Variants in MLLT3 observed in about 807,000 individuals in gnomAD.
The protein encoded by MLLT3 is protein AF-9.
A neutral mutation model predicts 53.2 loss-of-function variants in MLLT3; 4 were observed. The ratio of observed to expected loss-of-function variants is 0.08; its 90% CI spans 0.04 to 0.17. The LOEUF (loss-of-function observed/expected upper bound fraction) is 0.17. MLLT3 is among the 10% of genes least tolerant of loss of function. MLLT3 has a pLI of 1.00. For synonymous variants in MLLT3, 283 were observed against 230.6 expected, an observed-to-expected ratio of 1.23 and a Z score of -2.06; for missense variants, 569 against 684.0, an observed-to-expected ratio of 0.83 and a Z score of 1.87.
At chr9:20,354,767 G>A in intron 9 of MLLT3, 41 bp downstream of exon 9, 4 of 1,281,042 alleles carry the variant, frequency 3.1e-6, no homozygotes, top group Non-Finnish European at 4.5e-6. Context: ...CGGAAGGCTT[G>A]TCAGTGTTGG....
At chr9:20,453,873 A>G (rs898779806) in intron 3 of MLLT3, among the ~76,000 whole-genome samples, 3 of 152,220 alleles carry the variant, frequency 2.0e-5, no homozygotes, top group African/African-American at 7.2e-5. Context: ...CATAGGGCCA[A>G]TTAGGTGTAT....
intron 6 of MLLT3, 106 bp from the exon 7 acceptor site, chr9:20,363,711 A>T: frequency 9.8e-7 from 1 of 1,023,350 alleles, no homozygotes; most frequent in Non-Finnish European, 1.3e-6. Flanking sequence ...GGTTAAAAAT[A>T]ATCATCATAT....
At position 20,620,820 on chromosome 9, in the gene MLLT3, C is replaced by T. The variant is rs775464590; in HGVS notation, c.27G>A (p.Val9=). The part of the protein sequence containing the change: MASSCAVQ[V]KLELGHRAQV... ...GGGCGCGGTGCCCCAGCTCCAGCTTCACCTGCACGGCACACTGCGGGCAGG... is the reference window on the plus strand; with the variant it reads ...GGGCGCGGTGCCCCAGCTCCAGCTTTACCTGCACGGCACACTGCGGGCAGG... The change falls in exon 2 of 11, where the codon GTG becomes GTA. Residue 9 remains valine, a synonymous_variant. Transcript: ENST00000380338. The surrounding 1 kb of genome is among the most constrained non-coding windows in gnomAD (Gnocchi z 6.1). The T allele has an allele frequency of 2.5e-6, 4 of 1,614,082 alleles. No homozygotes were observed. Among genetic ancestry groups the T allele is most frequent in the South Asian group, 1.1e-5 (1 of 91,090 alleles).
intron 2 of MLLT3, among the ~76,000 whole-genome samples, chr9:20,471,631 C>T (rs1488109134): frequency 6.6e-6 from 1 of 152,044 alleles, no homozygotes; most frequent in African/African-American, 2.4e-5. Flanking sequence ...CAATGTAACA[C>T]ATTATTTTAT....
chr9:20,559,925 A>C (rs1819157631), intron 2 of MLLT3, among the ~76,000 whole-genome samples: 1 of 152,192 alleles, frequency 6.6e-6, no homozygotes, highest in South Asian at 2.1e-4. Context: ...ACGTAAACAC[A>C]AACCAGACTA....
intron 2 of MLLT3, among the ~76,000 whole-genome samples, chr9:20,481,443 G>A (rs1389228084): frequency 1.3e-5 from 2 of 152,120 alleles, no homozygotes; most frequent in Admixed American, 6.5e-5. Context: ...TGCAGTTGGC[G>A]CTCCATATCG....
At chr9:20,570,746 C>T (rs998014613) in intron 2 of MLLT3, among the ~76,000 whole-genome samples, 6 of 144,680 alleles carry the variant, frequency 4.1e-5, no homozygotes, top group African/African-American at 1.4e-4. Context: ...CTAGCAATAC[C>T]GATTGTTCTT....
At chr9:20,478,974 G>A (rs1328943782) in intron 2 of MLLT3, among the ~76,000 whole-genome samples, 1 of 152,124 alleles carries the variant, frequency 6.6e-6, no homozygotes, top group African/African-American at 2.4e-5. Context: ...ACTTTACAAA[G>A]AATGAGATTG....
intron 2 of MLLT3, among the ~76,000 whole-genome samples, chr9:20,593,076 G>A (rs539708106): frequency 1.3e-5 from 2 of 152,208 alleles, no homozygotes; most frequent in African/African-American, 4.8e-5. Context: ...AAATTTTTCT[G>A]TACTGTAGCT....
At chr9:20,366,699 G>C (rs1821461203) in intron 5 of MLLT3, among the ~76,000 whole-genome samples, 1 of 152,132 alleles carries the variant, frequency 6.6e-6, no homozygotes, top group South Asian at 2.1e-4. Context: ...ATCCTCTCCA[G>C]CATCTGTTGT....
intron 5 of MLLT3, among the ~76,000 whole-genome samples, chr9:20,386,443 C>T (rs1198211089): frequency 6.6e-6 from 1 of 152,190 alleles, no homozygotes; most frequent in Non-Finnish European, 1.5e-5. Context: ...GTGGCTTTTC[C>T]TTCGTGGCTG....
At chr9:20,445,771 A>G (rs1823678441) in intron 4 of MLLT3, among the ~76,000 whole-genome samples, 2 of 152,196 alleles carry the variant, frequency 1.3e-5, no homozygotes, top group South Asian at 4.1e-4. Context: ...CTTTTAAGGT[A>G]GAATATATAC....
At chr9:20,455,155 AC>A (rs1823928746) in intron 3 of MLLT3, among the ~76,000 whole-genome samples, 1 of 152,266 alleles carries the variant, frequency 6.6e-6, no homozygotes, top group Admixed American at 6.5e-5. Flanking sequence ...AGACATAAAT[AC>A]ATCTCGACAA....
chr9:20,389,057 GT>G (rs1822117330), intron 5 of MLLT3, among the ~76,000 whole-genome samples: 1 of 152,184 alleles, frequency 6.6e-6, no homozygotes, highest in Admixed American at 6.5e-5. Flanking sequence ...ACAAAAACCT[GT>G]TTTCAGCCAT....
intron 5 of MLLT3, among the ~76,000 whole-genome samples, chr9:20,409,253 G>T (rs1260618444): frequency 3.9e-5 from 6 of 152,058 alleles, no homozygotes; most frequent in Non-Finnish European, 8.8e-5. Flanking sequence ...GATCATACGT[G>T]GTTATCTCAA....
chr9:20,503,495 A>C (rs915660594), intron 2 of MLLT3, among the ~76,000 whole-genome samples: 18 of 152,194 alleles, frequency 1.2e-4, no homozygotes, highest in Admixed American at 1.1e-3. Flanking sequence ...CACCACACAC[A>C]TAAGAATGAA....
intron 2 of MLLT3, among the ~76,000 whole-genome samples, chr9:20,564,427 T>A (rs2131155766): frequency 6.6e-6 from 1 of 152,168 alleles, no homozygotes; most frequent in South Asian, 2.1e-4. Context: ...CCTGTATGTT[T>A]TTAAGTGTGT....
At chr9:20,440,828 A>C (rs969999298) in intron 4 of MLLT3, among the ~76,000 whole-genome samples, 6 of 152,052 alleles carry the variant, frequency 3.9e-5, no homozygotes, top group Non-Finnish European at 8.8e-5. Flanking sequence ...TTCATTTCTT[A>C]TTTTCTTGGC....
rs10601830 is a variant in MLLT3 at position 20,615,360 on chromosome 9, GAAAA to G, written c.193+5290_193+5293del. ...CCTGGGTGACAGGGCCAGACCATGT[GAAAA>G]AAAAAAAAAAAAAAAAAAAAAAAAA... On this transcript the variant is annotated intron_variant, in intron 2 of 10. Transcript: ENST00000380338. Among the ~76,000 whole-genome samples the G allele has an allele frequency of 6.4e-4, 31 of 48,756 alleles. No homozygotes were observed. In the East Asian group the frequency reaches 6.6e-3, roughly 10 times the overall value. The allele number at this position is 48,756 out of a possible 152,430, so 32.0% of individuals were successfully genotyped here. A position where few individuals can be genotyped will look rare whatever the true frequency, so the allele number is the denominator to read the frequency against.
Sources: allele counts gnomAD v4.1 joint callset (sites outside exome capture counted in the v4.1 genomes callset), GRCh38; gene constraint gnomAD v4.1.1; non-coding constraint Gnocchi (gnomAD v3.1); transcripts MANE v1.5; gene names NCBI Gene and HGNC (gene_info 2026-07-23, HGNC 2026-07-21).